PADI1: variants seen among roughly 807,000 people sequenced by gnomAD.
PADI1 encodes peptidyl arginine deiminase 1.
In PADI1, 65 loss-of-function variants were observed where a neutral mutation model predicts 74.8. The observed-to-expected ratio is 0.87, with a 90% CI of 0.71 to 1.07. The LOEUF (loss-of-function observed/expected upper bound fraction) is 1.07, where lower values mean the gene tolerates loss of function less well. Ranked by LOEUF, PADI1 falls within the 50% of genes least tolerant of loss-of-function variation. The probability of loss-of-function intolerance (pLI) is 0.00; values close to 1 mark genes in which losing one functional copy is unlikely to be tolerated. For missense variants in PADI1, 943 were observed against 854.0 expected, an observed-to-expected ratio of 1.10 and a Z score of -1.30; for synonymous variants, 371 against 336.2, an observed-to-expected ratio of 1.10 and a Z score of -1.13.
chr1:17,222,231 C>T, intron 1 of PADI1, 59 bp from the exon 2 acceptor site: 1 of 1,330,150 alleles, frequency 7.5e-7, no homozygotes, highest in Non-Finnish European at 1.1e-6. Flanking sequence ...CCCACTGTGG[C>T]CACTCCCCTG....
chr1:17,237,114 C>G (rs1327452976), intron 11 of PADI1, among the ~76,000 whole-genome samples, 200 bp from the exon 12 acceptor site: 5 of 152,264 alleles, frequency 3.3e-5, no homozygotes, highest in Admixed American at 1.3e-4. Flanking sequence ...ACCCTAAGGA[C>G]AGCACACAGT....
At chr1:17,220,395 T>C (rs191149157) in intron 1 of PADI1, among the ~76,000 whole-genome samples, 1 of 151,938 alleles carries the variant, frequency 6.6e-6, no homozygotes, top group African/African-American at 2.4e-5. Flanking sequence ...ATTTGGGTGG[T>C]TTTTTAGGGG....
intron 11 of PADI1, among the ~76,000 whole-genome samples, chr1:17,233,560 T>A (rs35269235): frequency 6.6e-6 from 1 of 152,058 alleles, no homozygotes; most frequent in Non-Finnish European, 1.5e-5. Context: ...CAGGTGGCGA[T>A]GTCTGTTAGG....
chr1:17,216,983 G>A (rs1298414595), intron 1 of PADI1, among the ~76,000 whole-genome samples: 3 of 151,168 alleles, frequency 2.0e-5, no homozygotes, highest in African/African-American at 4.9e-5. Flanking sequence ...AGAAAACCAA[G>A]GGAGTGGGTG....
At chr1:17,232,396 C>T (rs900596988) in intron 10 of PADI1, among the ~76,000 whole-genome samples, 2 of 152,210 alleles carry the variant, frequency 1.3e-5, no homozygotes, top group African/African-American at 2.4e-5. Flanking sequence ...TGCCCCACCA[C>T]GCTCAGTTTA....
rs552109648 is a variant in PADI1 at position 17,209,798 on chromosome 1, C to G, written c.92+4489C>G. Among the ~76,000 whole-genome samples the G allele has an allele frequency of 2.6e-5, 4 of 152,248 alleles. No homozygotes were observed. In the South Asian group the frequency reaches 6.2e-4, roughly 24 times the overall value. ...AGCCTGTTTTCTTCGGAGTGACATC[C>G]CTTATTGTTTGTACCTGCGAAGCTG... On this transcript the variant is annotated intron_variant, in intron 1 of 15. Coordinates refer to ENST00000375471, the MANE Select transcript of PADI1 (RefSeq NM_013358.3).
intron 11 of PADI1, 117 bp from the exon 12 acceptor site, chr1:17,237,197 C>T: frequency 2.5e-6 from 3 of 1,201,912 alleles, no homozygotes; most frequent in Admixed American, 2.3e-5. Context: ...CTACGCCCCA[C>T]GTTTAAAGCG....
At chr1:17,210,171 T>A (rs534278498) in intron 1 of PADI1, among the ~76,000 whole-genome samples, 3 of 152,088 alleles carry the variant, frequency 2.0e-5, no homozygotes, top group Admixed American at 2.0e-4. Flanking sequence ...TTTATTTTAT[T>A]TTTTGAGACA....
At position 17,214,516 on chromosome 1, in the gene PADI1, C is replaced by T. The variant is rs188739744; in HGVS notation, c.93-7774C>T. 1.6e-3 allele frequency among the ~76,000 whole-genome samples: 237 copies of T among 152,276 alleles called. 3 individuals carry two copies. Among genetic ancestry groups the T allele is most frequent in the Non-Finnish European group, 8.8e-5 (6 of 68,012 alleles). On this transcript the variant is annotated intron_variant, in intron 1 of 15. Transcript: ENST00000375471. ...TTTATTTGGAGGGGTGCTTTCAAAT[C>T]TGTGACCTCACCTGACTGTGCATTT...
intron 1 of PADI1, among the ~76,000 whole-genome samples, chr1:17,205,922 G>A (rs1028806831): frequency 6.6e-6 from 1 of 152,212 alleles, no homozygotes; most frequent in Non-Finnish European, 1.5e-5. Flanking sequence ...GGCGATGATG[G>A]CGGTGATGGT....
chr1:17,217,469 C>A lies in PADI1; in HGVS notation c.93-4821C>A, dbSNP rs1293281412. Among the ~76,000 whole-genome samples the A allele has an allele frequency of 2.6e-5, 4 of 152,112 alleles. No individual in the cohort carries two copies. In the South Asian group the frequency reaches 8.3e-4, roughly 32 times the overall value. ...AGAAAGTTGAACAGTGTGTTTGTGG[C>A]AATGTACCAGGGTCCTTCCTCAAGG... On this transcript the variant is annotated intron_variant, in intron 1 of 15. Transcript: ENST00000375471.
chr1:17,243,398 C>A (rs2072816283), intron 15 of PADI1, among the ~76,000 whole-genome samples: 1 of 152,242 alleles, frequency 6.6e-6, no homozygotes, highest in Admixed American at 6.5e-5. Flanking sequence ...CCAGCCAGAT[C>A]CAAGTCCAAA....
chr1:17,228,882 G>C, intron 7 of PADI1, 66 bp from the exon 8 acceptor site: 2 of 1,584,470 alleles, frequency 1.3e-6, no homozygotes, highest in Non-Finnish European at 1.7e-6. Context: ...CAGGCTGGGG[G>C]CTGGGGGGGC....
Position 17,232,910 on chromosome 1 carries a change from TC to T in PADI1, c.1254del (p.Thr419ArgfsTer34). On this transcript the variant is annotated frameshift_variant, in exon 11 of 16. Coordinates refer to ENST00000375471, the MANE Select transcript of PADI1 (RefSeq NM_013358.3). LOFTEE classifies it high-confidence loss of function. The part of the protein sequence containing the change: ...SFGNLDVSPP[V>X]TVGGTEYPLG... Reference sequence around the variant, plus strand: ...GGCAACCTGGACGTCAGCCCGCCCGTCACGGTGGGCGGCACGGAATACCCCC... The same window carrying T: ...GGCAACCTGGACGTCAGCCCGCCCGTACGGTGGGCGGCACGGAATACCCCC... 6.2e-7 allele frequency: 1 copy of T among 1,613,142 alleles called. No individual in the cohort carries two copies. Among genetic ancestry groups the T allele is most frequent in the Non-Finnish European group, 8.5e-7 (1 of 1,179,866 alleles).
chr1:17,223,758 C>A, intron 3 of PADI1, 65 bp downstream of exon 3: 1 of 1,333,550 alleles, frequency 7.5e-7, no homozygotes, highest in Non-Finnish European at 1.1e-6. Context: ...GTTTGAGGGT[C>A]TTAGTGGATT....
At position 17,244,424 on chromosome 1, in the gene PADI1, C is replaced by T. The variant is rs1295949656; in HGVS notation, c.*181C>T. 1 of 687,126 alleles carries T rather than the reference C, an allele frequency of 1.5e-6. No individual in the cohort carries two copies. The highest frequency in any genetic ancestry group is 2.8e-5 in the East Asian group (1 of 36,126). 42.6% of individuals were successfully genotyped at this position (687,126 alleles called of 1,614,324 possible). ...CCACCTACCCTCGCCTCTGGAATGG[C>T]CTACCCAACCCGAGAAGAATGCACC... is the stretch of plus-strand genomic sequence containing the variant. On this transcript the variant is annotated 3_prime_UTR_variant, in exon 16 of 16. Coordinates refer to ENST00000375471, the MANE Select transcript of PADI1 (RefSeq NM_013358.3).
intron 1 of PADI1, among the ~76,000 whole-genome samples, chr1:17,218,346 T>A (rs1183006116): frequency 6.6e-6 from 1 of 152,098 alleles, no homozygotes; most frequent in East Asian, 1.9e-4. Context: ...TATATATGCA[T>A]AAGAACCCCC....
At chr1:17,240,798 C>T (rs371438349) in intron 15 of PADI1, 38 bp downstream of exon 15, 68 of 1,601,062 alleles carry the variant, frequency 4.2e-5, no homozygotes, top group East Asian at 1.8e-4. Context: ...GGGGGGTCTG[C>T]GGGGCTCTGA....
intron 1 of PADI1, among the ~76,000 whole-genome samples, chr1:17,206,178 G>A (rs1298085290): frequency 1.3e-5 from 2 of 152,206 alleles, no homozygotes; most frequent in African/African-American, 2.4e-5. Context: ...CTCGTGGTGG[G>A]AGTCTCCCTC....
Sources: gnomAD v4.1 joint callset for allele counts (sites outside exome capture counted in the v4.1 genomes callset) on GRCh38, gnomAD v4.1.1 for gene constraint, MANE v1.5 for transcripts, NCBI Gene and HGNC (gene_info 2026-07-23, HGNC 2026-07-21) for gene names.